TRANK1: variants seen among roughly 807,000 people sequenced by gnomAD.
The protein encoded by TRANK1 is tetratricopeptide repeat and ankyrin repeat containing 1, also known as TPR and ankyrin repeat-containing protein 1.
In TRANK1, 198 loss-of-function variants were observed where a neutral mutation model predicts 266.0. That is an observed-to-expected ratio of 0.74 (90% CI 0.66 to 0.84). The LOEUF is 0.84. Among genes scored for constraint, TRANK1 ranks in the 40% least tolerant of loss-of-function variants. The probability of loss-of-function intolerance (pLI) is 0.00; values close to 1 mark genes in which losing one functional copy is unlikely to be tolerated. For synonymous variants in TRANK1, 1,396 were observed against 1,384.1 expected (o/e 1.01, Z -0.19); for missense variants, 3,326 against 3,634.6 (o/e 0.92, Z 2.18).
At chr3:36,901,749 A>G (rs2079886426) in intron 3 of TRANK1, among the ~76,000 whole-genome samples, 1 of 152,164 alleles carries the variant, frequency 6.6e-6, no homozygotes, top group African/African-American at 2.4e-5. Flanking sequence ...AGAGACTCCC[A>G]GGAGTTCTGG....
intron 1 of TRANK1, among the ~76,000 whole-genome samples, chr3:36,915,801 G>T (rs1456785028): frequency 6.6e-6 from 1 of 152,200 alleles, no homozygotes; most frequent in African/African-American, 2.4e-5. Flanking sequence ...TGTTGGAATT[G>T]ACATTTAAGA....
intron 1 of TRANK1, among the ~76,000 whole-genome samples, chr3:36,912,360 G>A (rs1355300588): frequency 2.0e-5 from 3 of 152,202 alleles, no homozygotes; most frequent in African/African-American, 7.2e-5. Context: ...ACTACACTCT[G>A]AAGGGCCAAG....
chr3:36,848,659 CTA>C (rs2078946287), intron 15 of TRANK1, among the ~76,000 whole-genome samples: 3 of 152,168 alleles, frequency 2.0e-5, no homozygotes, highest in Admixed American at 2.0e-4. Context: ...GGTTATGCTA[CTA>C]ATCAATTATA....
intron 12 of TRANK1, among the ~76,000 whole-genome samples, chr3:36,858,495 C>G (rs564158284): frequency 5.3e-5 from 8 of 152,288 alleles, no homozygotes; most frequent in African/African-American, 1.9e-4. Flanking sequence ...AACTCTGGAA[C>G]TTTAGAATCC....
chr3:36,888,637 G>A (rs145874608), intron 8 of TRANK1, among the ~76,000 whole-genome samples: 35 of 152,362 alleles, frequency 2.3e-4, no homozygotes, highest in African/African-American at 8.4e-4. Context: ...GGAAACTGCA[G>A]TTTCCTACGA....
At chr3:36,839,938 C>T (rs1383825610) in intron 18 of TRANK1, among the ~76,000 whole-genome samples, 1 of 152,152 alleles carries the variant, frequency 6.6e-6, no homozygotes, top group East Asian at 1.9e-4. Flanking sequence ...CTCAATAAAC[C>T]ACCTGAGTCC....
chr3:36,872,046 A>G (rs1405749142), intron 9 of TRANK1, among the ~76,000 whole-genome samples: 6 of 152,266 alleles, frequency 3.9e-5, no homozygotes, highest in Admixed American at 3.9e-4. Flanking sequence ...TCAGTCATAC[A>G]TACAAACCAT....
intron 1 of TRANK1, among the ~76,000 whole-genome samples, chr3:36,930,329 C>A (rs2080344447): frequency 6.6e-6 from 1 of 152,124 alleles, no homozygotes; most frequent in Admixed American, 6.6e-5. Context: ...TTACACCTAC[C>A]AGGAACTGGA....
Position 36,856,674 on chromosome 3 carries a change from T to C in TRANK1, c.3048A>G (p.Pro1016=). Reference sequence around the variant, plus strand: ...TATATTCTGTCTCCACTGCACTGGCTGGGGGAAAGTACTCAGGATTGACAT... The same window carrying C: ...TATATTCTGTCTCCACTGCACTGGCCGGGGGAAAGTACTCAGGATTGACAT... ...REHVNPEYFP[P]ASAVETEYNI... The change falls in exon 13 of 24, where the codon CCA becomes CCG. Residue 1016 remains proline (P), a synonymous_variant. Transcript: ENST00000645898. 6.2e-7 allele frequency: 1 copy of C among 1,614,036 alleles called. No individual in the cohort carries two copies. Among genetic ancestry groups the C allele is most frequent in the East Asian group, 2.2e-5 (1 of 44,890 alleles).
chr3:36,856,104 T>G lies in TRANK1; in HGVS notation c.3618A>C (p.Gln1206His). ...ACTTGGAAAGCTCAATGAAATTCCT[T>G]TGTACCTCCTGGCACAGCACATGGT... Reference protein sequence around the residue: ...TKNHVLCQEVQRNFIELSKST... With the variant: ...TKNHVLCQEVHRNFIELSKST... Residue 1206 changes from glutamine to histidine, a missense_variant, in exon 13 of 24, where the codon CAA (glutamine) becomes CAC (histidine). Coordinates refer to ENST00000645898, the MANE Select transcript of TRANK1 (RefSeq NM_001329998.2). The G allele has an allele frequency of 6.2e-7, 1 of 1,613,788 alleles. No individual in the cohort carries two copies. Among genetic ancestry groups the G allele is most frequent in the Non-Finnish European group, 8.5e-7 (1 of 1,179,870 alleles).
intron 21 of TRANK1, 71 bp downstream of exon 21, chr3:36,834,691 C>G (rs1382606199): frequency 6.5e-6 from 10 of 1,544,756 alleles, no homozygotes; most frequent in Non-Finnish European, 8.7e-6. Flanking sequence ...GATAGCACCA[C>G]CCAGAGCAGG....
chr3:36,879,929 C>CATAT (rs2079488249), intron 8 of TRANK1, among the ~76,000 whole-genome samples: 1 of 21,352 alleles, frequency 4.7e-5, no homozygotes, highest in Non-Finnish European at 8.5e-5. Context: ...TGTAAACATG[C>CATAT]AAATATATGT....
intron 1 of TRANK1, among the ~76,000 whole-genome samples, chr3:36,943,199 G>A (rs1326484936): frequency 6.6e-6 from 1 of 151,638 alleles, no homozygotes; most frequent in Non-Finnish European, 1.5e-5. Flanking sequence ...CTGGTGGGGG[G>A]TGGGGGGAGG....
intron 13 of TRANK1, among the ~76,000 whole-genome samples, chr3:36,854,378 G>GA (rs886575984): frequency 4.5e-4 from 59 of 131,918 alleles, no homozygotes; most frequent in African/African-American, 2.2e-3. Context: ...AAAAAAAAAA[G>GA]AAAGAAAGAA....
chr3:36,833,013 T>G lies in TRANK1; in HGVS notation c.6570A>C (p.Gly2190=). The G allele has an allele frequency of 6.2e-7, 1 of 1,612,362 alleles. No homozygotes were observed. The highest frequency in any genetic ancestry group is 8.5e-7 in the Non-Finnish European group (1 of 1,179,114). The change falls in exon 22 of 24, where the codon GGA becomes GGC. Residue 2190 remains glycine (G), a synonymous_variant. Transcript: ENST00000645898. The part of the protein sequence containing the change: ...TRSLLGKTYR[G]VCMRFIVGLK... ...AGCCTACAATAAACCTCATGCAGAC[T>G]CCTCGGTAGGTCTTCCCAAGCAGGC...
At chr3:36,839,576 T>G (rs1415208595) in intron 18 of TRANK1, among the ~76,000 whole-genome samples, 1 of 152,206 alleles carries the variant, frequency 6.6e-6, no homozygotes, top group African/African-American at 2.4e-5. Context: ...TCCTTCTAAC[T>G]GAAATGCTCT....
At position 36,858,056 on chromosome 3, in the gene TRANK1, G is replaced by A; in HGVS notation, c.1673-7C>T. The A allele has an allele frequency of 6.6e-7, 1 of 1,524,814 alleles. No individual in the cohort carries two copies. Among genetic ancestry groups the A allele is most frequent in the Non-Finnish European group, 8.8e-7 (1 of 1,140,776 alleles). The allele number at this position is 1,524,814 out of a possible 1,614,324, so 94.5% of individuals were successfully genotyped here. A position where few individuals can be genotyped will look rare whatever the true frequency, so the allele number is the denominator to read the frequency against. Reference sequence around the variant, plus strand: ...AAGCTAAAACCAATGTCAGCTGAAAGACACAAACAAAACCCTGTGAGCACT... The same window carrying A: ...AAGCTAAAACCAATGTCAGCTGAAAAACACAAACAAAACCCTGTGAGCACT... On this transcript the variant is annotated splice_polypyrimidine_tract_variant and splice_region_variant and intron_variant, in intron 12 of 23. Coordinates refer to ENST00000645898, the MANE Select transcript of TRANK1 (RefSeq NM_001329998.2).
At chr3:36,842,600 C>T in intron 18 of TRANK1, 22 bp downstream of exon 18, 1 of 1,608,652 alleles carries the variant, frequency 6.2e-7, no homozygotes, top group Non-Finnish European at 8.5e-7. Context: ...TGACAAGGAC[C>T]CCTCCTAGTC....
At chr3:36,875,571 A>C (rs2079375442) in intron 8 of TRANK1, among the ~76,000 whole-genome samples, 1 of 152,214 alleles carries the variant, frequency 6.6e-6, no homozygotes, top group South Asian at 2.1e-4. Flanking sequence ...ATGTCACTCT[A>C]CTGACGTATA....
Sources: gnomAD v4.1 joint callset for allele counts (sites outside exome capture counted in the v4.1 genomes callset) on GRCh38, gnomAD v4.1.1 for gene constraint, MANE v1.5 for transcripts, NCBI Gene and HGNC (gene_info 2026-07-23, HGNC 2026-07-21) for gene names.